The following SPDYE18 variants were observed in gnomAD, a reference collection of about 807,000 sequenced individuals.
The protein encoded by SPDYE18 is speedy protein E18.
Under a neutral mutation model 44.9 loss-of-function variants are expected in SPDYE18, and 6 were observed. The ratio of observed to expected loss-of-function variants is 0.13; its 90% CI spans 0.07 to 0.26. The LOEUF (loss-of-function observed/expected upper bound fraction) is 0.26. SPDYE18 is among the 10% of genes least tolerant of loss of function. SPDYE18 has a pLI of 1.00. For synonymous variants in SPDYE18, 35 were observed against 177.1 expected, an observed-to-expected ratio of 0.20 and a Z score of 6.37; for missense variants, 121 against 463.2, an observed-to-expected ratio of 0.26 and a Z score of 6.78.
chr7:77,061,034 C>T (rs199767149), intron 1 of SPDYE18, among the ~76,000 whole-genome samples, 101 bp from the exon 2 acceptor site: 17,812 of 63,294 alleles, frequency 0.28, 748 homozygotes, highest in African/African-American at 0.41. Context: ...GAGATTATCA[C>T]GTACAAGAGT....
intron 3 of SPDYE18, among the ~76,000 whole-genome samples, chr7:77,058,116 CTTTTT>C (rs375559743): frequency 6.3e-4 from 39 of 62,158 alleles, no homozygotes; most frequent in South Asian, 2.8e-3. Context: ...CTCTGAGTCT[CTTTTT>C]TTTTTTTTTT....
At chr7:77,058,793 G>A (rs1311811587) in intron 3 of SPDYE18, among the ~76,000 whole-genome samples, 177 of 151,122 alleles carry the variant, frequency 1.2e-3, no homozygotes, top group African/African-American at 4.0e-3. Flanking sequence ...TACCACACCC[G>A]GCCTTCGTTT....
chr7:77,062,083 G>A (rs1466031145), intron 1 of SPDYE18, among the ~76,000 whole-genome samples: 1 of 137,670 alleles, frequency 7.3e-6, no homozygotes, highest in African/African-American at 2.6e-5. Context: ...AGCCAAGATC[G>A]CACCATTGTG....
chr7:77,055,603 T>G (rs1583976360), intron 5 of SPDYE18, among the ~76,000 whole-genome samples: 1 of 69,336 alleles, frequency 1.4e-5, no homozygotes, highest in Non-Finnish European at 2.5e-5. Flanking sequence ...GTCAGGAGGG[T>G]CTTTTGTGTG....
At chr7:77,058,116 C>CTTT (rs375559743) in intron 3 of SPDYE18, among the ~76,000 whole-genome samples, 510 of 61,870 alleles carry the variant, frequency 8.2e-3, no homozygotes, top group Middle Eastern at 0.021. Context: ...CTCTGAGTCT[C>CTTT]TTTTTTTTTT....
chr7:77,058,490 C>G (rs1449756047), intron 3 of SPDYE18, among the ~76,000 whole-genome samples: 3 of 117,940 alleles, frequency 2.5e-5, no homozygotes, highest in African/African-American at 9.4e-5. Context: ...CTTCTGGGCC[C>G]TTCCTTCCTT....
At chr7:77,061,130 C>G (rs1315619472) in intron 1 of SPDYE18, among the ~76,000 whole-genome samples, 197 bp from the exon 2 acceptor site, 1 of 113,522 alleles carries the variant, frequency 8.8e-6, no homozygotes, top group Non-Finnish European at 1.7e-5. Flanking sequence ...TCAGAGCACT[C>G]AGTTTGGCAG....
chr7:77,062,305 G>A (rs1334986527), intron 1 of SPDYE18, among the ~76,000 whole-genome samples, 191 bp downstream of exon 1: 2 of 147,028 alleles, frequency 1.4e-5, no homozygotes, highest in Non-Finnish European at 3.0e-5. Flanking sequence ...CATTCATGAC[G>A]CTTTAAACCG....
rs1163101512 is a variant in SPDYE18, at chr7:77,051,266, CTT to C, written c.*657_*658del. Among the ~76,000 whole-genome samples the C allele has an allele frequency of 1.3e-5, 2 of 152,214 alleles. No individual in the cohort carries two copies. Among genetic ancestry groups the C allele is most frequent in the East Asian group, 1.9e-4 (1 of 5,204 alleles). ...ATATTTAGGATAAAAAGAATTGTCT[CTT>C]AAAAATGAAAAGAAAATTATCTTTA... On this transcript the variant is annotated 3_prime_UTR_variant, in exon 9 of 9. Coordinates refer to ENST00000510091, the MANE Select transcript of SPDYE18 (RefSeq NM_001394953.1).
Position 77,060,694 on chromosome 7 carries a change from A to C in SPDYE18, c.-182T>G, listed in dbSNP as rs1460645153. Among the ~76,000 whole-genome samples, 30 of 151,478 alleles carry C rather than the reference A, an allele frequency of 2.0e-4. No individual in the cohort carries two copies. Among genetic ancestry groups the C allele is most frequent in the Admixed American group, 1.6e-3 (25 of 15,212 alleles). On this transcript the variant is annotated 5_prime_UTR_variant, in exon 2 of 9. Coordinates refer to ENST00000510091, the MANE Select transcript of SPDYE18 (RefSeq NM_001394953.1). ...ATCTCTGATGTCATCGTTCATGCCA[A>C]CCTGGCAACCAGTTTGAAAAAAAAC... is the stretch of plus-strand genomic sequence containing the variant.
chr7:77,060,259 A>C, intron 2 of SPDYE18, 94 bp downstream of exon 2: 1 of 1,511,040 alleles, frequency 6.6e-7, no homozygotes, highest in Non-Finnish European at 8.8e-7. Context: ...GGCCTCCCAA[A>C]GTGCTGGGGT....
intron 2 of SPDYE18, 46 bp downstream of exon 2, chr7:77,060,307 G>A (rs1421612806): frequency 1.4e-5 from 22 of 1,534,190 alleles, no homozygotes; most frequent in Middle Eastern, 2.3e-4. Flanking sequence ...CCCTTCCTTC[G>A]TCTTAGTCAA....
At position 77,053,166 on chromosome 7, in the gene SPDYE18, G is replaced by A. The variant is rs1375993890; in HGVS notation, c.793C>T (p.Pro265Ser). 19 of 1,613,772 alleles carry A rather than the reference G, an allele frequency of 1.2e-5. No homozygotes were observed. Among genetic ancestry groups the A allele is most frequent in the Non-Finnish European group, 1.5e-5 (18 of 1,180,030 alleles). Residue 265 changes from proline (P) to serine (S), a missense_variant, in exon 7 of 9, where the codon CCC becomes TCC. Transcript: ENST00000510091. The part of the protein sequence containing the change: ...ANDMEEDDED[P>S]KQNIFYFLYG... ...AGGAAGTAGAAGATGTTTTGTTTGG[G>A]GTCCTCGTCGTCCTCCTCCATGTCA...
At chr7:77,062,314 C>T (rs1034698182) in intron 1 of SPDYE18, among the ~76,000 whole-genome samples, 182 bp downstream of exon 1, 25 of 147,556 alleles carry the variant, frequency 1.7e-4, no homozygotes, top group Non-Finnish European at 3.1e-4. Flanking sequence ...CGCTTTAAAC[C>T]GTCAGAGCTG....
chr7:77,057,075 GATTTTT>G (rs1789935794), intron 4 of SPDYE18, among the ~76,000 whole-genome samples: 1 of 151,410 alleles, frequency 6.6e-6, no homozygotes, highest in South Asian at 2.1e-4. Context: ...TGTTTTTCTT[GATTTTT>G]ATTTTTATTT....
In SPDYE18 at chr7:77,060,352, C is replaced by T. The variant is rs1231870188; in HGVS notation, c.160+1G>A. 1.3e-6 allele frequency: 2 copies of T among 1,535,306 alleles called. No individual in the cohort carries two copies. The highest frequency in any genetic ancestry group is 1.7e-6 in the Non-Finnish European group (2 of 1,146,872). ...ACCTCTTCTTCCACCAGTCCCCTCA[C>T]CTGATGGTCCCAACACTTCATCATC... On this transcript the variant is annotated splice_donor_variant, in intron 2 of 8. Transcript: ENST00000510091. LOFTEE classifies it high-confidence loss of function.
In SPDYE18 at chr7:77,051,746, C is replaced by G. The variant is rs1305958801; in HGVS notation, c.*179G>C. ...AGGAGGACAACGTGATCACTGTATT[C>G]AGCTCCATCAAGAATGGTCCAGGTT... On this transcript the variant is annotated 3_prime_UTR_variant, in exon 9 of 9. Transcript: ENST00000510091. Among the ~76,000 whole-genome samples, 10 of 144,376 alleles carry G rather than the reference C, an allele frequency of 6.9e-5. No homozygotes were observed. Among genetic ancestry groups the G allele is most frequent in the African/African-American group, 2.5e-4 (10 of 39,640 alleles). 94.7% of individuals were successfully genotyped at this position (144,376 alleles called of 152,430 possible). A position where few individuals can be genotyped will look rare whatever the true frequency, so the allele number is the denominator to read the frequency against.
Position 77,051,154 on chromosome 7 carries a change from A to G in SPDYE18, c.*771T>C, listed in dbSNP as rs2117308292. Among the ~76,000 whole-genome samples the G allele has an allele frequency of 6.6e-6, 1 of 152,224 alleles. No homozygotes were observed. Among genetic ancestry groups the G allele is most frequent in the East Asian group, 1.9e-4 (1 of 5,196 alleles). On this transcript the variant is annotated 3_prime_UTR_variant, in exon 9 of 9. Coordinates refer to ENST00000510091, the MANE Select transcript of SPDYE18 (RefSeq NM_001394953.1). The stretch of plus-strand genomic sequence containing the variant: ...AACTACCAATAGCTATAAATAGAAG[A>G]GATTTTTATGGAAGTATCATAGATA...
rs1789779168 is a variant in SPDYE18 at position 77,050,964 on chromosome 7, A to G, written c.*961T>C. Reference sequence around the variant, plus strand: ...ATAATACTTAAATAATTCTATACCCATGTTTTTCAAAATAAACCAATAAAT... The same window carrying G: ...ATAATACTTAAATAATTCTATACCCGTGTTTTTCAAAATAAACCAATAAAT... On this transcript the variant is annotated 3_prime_UTR_variant, in exon 9 of 9. Transcript: ENST00000510091. Among the ~76,000 whole-genome samples the G allele has an allele frequency of 1.3e-5, 2 of 151,032 alleles. No homozygotes were observed. Among genetic ancestry groups the G allele is most frequent in the South Asian group, 4.1e-4 (2 of 4,834 alleles).
Sources: allele counts gnomAD v4.1 joint callset (sites outside exome capture counted in the v4.1 genomes callset), GRCh38; gene constraint gnomAD v4.1.1; transcripts MANE v1.5; gene names NCBI Gene and HGNC (gene_info 2026-07-23, HGNC 2026-07-21).